The following LRRC7 variants were observed in gnomAD, a reference collection of about 807,000 sequenced individuals.
LRRC7 encodes the protein leucine-rich repeat-containing protein 7.
LRRC7 carries 23 observed loss-of-function variants against 175.7 expected under a neutral mutation model. The observed-to-expected ratio is 0.13, with a 90% CI of 0.09 to 0.19. LRRC7 has a LOEUF of 0.19. Among genes scored for constraint, LRRC7 ranks in the 10% least tolerant of loss-of-function variants. LRRC7 has a pLI of 1.00. For synonymous variants in LRRC7, 685 were observed against 680.9 expected, an observed-to-expected ratio of 1.01 and a Z score of -0.09; for missense variants, 1,354 against 1,904.7, an observed-to-expected ratio of 0.71 and a Z score of 5.38.
intron 2 of LRRC7, among the ~76,000 whole-genome samples, chr1:69,740,030 G>C (rs995605449): frequency 3.3e-5 from 5 of 152,048 alleles, no homozygotes; most frequent in Non-Finnish European, 4.4e-5. Context: ...ACCAAAGGGA[G>C]GAAATAGGCA....
At chr1:69,693,457 G>A (rs765160519) in intron 2 of LRRC7, among the ~76,000 whole-genome samples, 4 of 152,158 alleles carry the variant, frequency 2.6e-5, no homozygotes, top group African/African-American at 4.8e-5. Context: ...AGGATAGGCC[G>A]ATAGGCTGGA....
chr1:69,842,886 T>TAA (rs895487447), intron 7 of LRRC7, among the ~76,000 whole-genome samples: 3 of 152,096 alleles, frequency 2.0e-5, no homozygotes, highest in Non-Finnish European at 2.9e-5. Flanking sequence ...GCCTTTTATG[T>TAA]AAAATAAGCC....
rs1659064868 is a variant in LRRC7, at chr1:69,671,452, G to T, written c.3-6929G>T. On this transcript the variant is annotated intron_variant, in intron 1 of 26. Coordinates refer to ENST00000651989, the MANE Select transcript of LRRC7 (RefSeq NM_001370785.2). ...AGTCTCTTTTGGAACCATGAGCTGT[G>T]CAGCCTGGGGTTAGAGGAGAAGTGG... Among the ~76,000 whole-genome samples, 3 of 152,100 alleles carry T rather than the reference G, an allele frequency of 2.0e-5. No homozygotes were observed. The South Asian group carries it at 6.2e-4, about 31-fold the overall frequency.
At chr1:69,914,743 A>G (rs1646635998) in intron 7 of LRRC7, among the ~76,000 whole-genome samples, 2 of 152,158 alleles carry the variant, frequency 1.3e-5, no homozygotes, top group African/African-American at 4.8e-5. Context: ...GTCTTGTCCA[A>G]ATCTGGCAAG....
intron 23 of LRRC7, among the ~76,000 whole-genome samples, chr1:70,056,477 GTTTTA>G (rs1263046432): frequency 6.6e-6 from 1 of 152,024 alleles, no homozygotes; most frequent in Non-Finnish European, 1.5e-5. Flanking sequence ...AATACTTAGC[GTTTTA>G]TTTTCCCATT....
chr1:70,068,671 T>C (rs1395578333), intron 23 of LRRC7, among the ~76,000 whole-genome samples: 1 of 152,142 alleles, frequency 6.6e-6, no homozygotes, highest in African/African-American at 2.4e-5. Context: ...TAAAGAAGTA[T>C]TCTCTCTTCT....
chr1:69,726,714 G>C (rs934492138), intron 2 of LRRC7, among the ~76,000 whole-genome samples: 1 of 151,804 alleles, frequency 6.6e-6, no homozygotes, highest in Non-Finnish European at 1.5e-5. Flanking sequence ...AGCAAAACTT[G>C]CCTTTAAATT....
chr1:69,639,034 A>G (rs922078529), intron 1 of LRRC7, among the ~76,000 whole-genome samples: 2 of 151,784 alleles, frequency 1.3e-5, no homozygotes, highest in Admixed American at 6.6e-5. Context: ...TTTAACTCAA[A>G]CTGAAACCCA....
intron 1 of LRRC7, among the ~76,000 whole-genome samples, chr1:69,613,350 T>G (rs1265522612): frequency 6.6e-6 from 1 of 152,072 alleles, no homozygotes; most frequent in Non-Finnish European, 1.5e-5. Context: ...CTCTATCCTA[T>G]GACCTAATTA....
At chr1:70,074,511 T>C (rs1662631405) in intron 23 of LRRC7, among the ~76,000 whole-genome samples, 3 of 152,348 alleles carry the variant, frequency 2.0e-5, no homozygotes, top group African/African-American at 7.2e-5. Flanking sequence ...TTTATGAGGT[T>C]ATAGATCTGT....
intron 7 of LRRC7, among the ~76,000 whole-genome samples, chr1:69,855,318 A>G (rs1052873756): frequency 2.0e-5 from 3 of 152,054 alleles, no homozygotes; most frequent in Non-Finnish European, 2.9e-5. Flanking sequence ...AGATTGTGGT[A>G]TGTTGTGTCT....
At chr1:69,636,964 C>T (rs892375824) in intron 1 of LRRC7, among the ~76,000 whole-genome samples, 1 of 151,796 alleles carries the variant, frequency 6.6e-6, no homozygotes, top group Non-Finnish European at 1.5e-5. Flanking sequence ...TGAAATTAGA[C>T]TCTAATTTTC....
chr1:69,924,809 T>G (rs1647009915), intron 7 of LRRC7, among the ~76,000 whole-genome samples: 1 of 152,196 alleles, frequency 6.6e-6, no homozygotes, highest in African/African-American at 2.4e-5. Flanking sequence ...CATGCCTGAT[T>G]GCCCTGGCCA....
chr1:69,709,433 G>A (rs2100727351), intron 2 of LRRC7, among the ~76,000 whole-genome samples: 1 of 152,284 alleles, frequency 6.6e-6, no homozygotes, highest in Non-Finnish European at 1.5e-5. Flanking sequence ...GGGGCAGAAA[G>A]AATCAATCTT....
intron 7 of LRRC7, among the ~76,000 whole-genome samples, chr1:69,931,217 C>A (rs1647337519): frequency 1.3e-5 from 2 of 152,054 alleles, no homozygotes; most frequent in Admixed American, 1.3e-4. Context: ...TGAAGTGGGG[C>A]CCCACCCTAC....
intron 1 of LRRC7, among the ~76,000 whole-genome samples, chr1:69,623,745 A>C (rs140154814): frequency 6.6e-6 from 1 of 151,862 alleles, no homozygotes; most frequent in Non-Finnish European, 1.5e-5. Flanking sequence ...AGATAGGGCC[A>C]CTCCAAGTTG....
At chr1:70,014,897 T>C (rs1656833176) in intron 13 of LRRC7, among the ~76,000 whole-genome samples, 1 of 152,040 alleles carries the variant, frequency 6.6e-6, no homozygotes, top group African/African-American at 2.4e-5. Flanking sequence ...TAGCAGTTTC[T>C]TCATATTCTA....
intron 25 of LRRC7, among the ~76,000 whole-genome samples, chr1:70,090,297 A>T (rs1409987195): frequency 6.6e-6 from 1 of 152,148 alleles, no homozygotes; most frequent in Admixed American, 6.6e-5. Context: ...TTGCTAATAG[A>T]ACTGTAGAAT....
chr1:69,569,091 A>T (rs1030451839), intron 1 of LRRC7, among the ~76,000 whole-genome samples: 1 of 152,068 alleles, frequency 6.6e-6, no homozygotes, highest in Admixed American at 6.6e-5. Context: ...ACACTCACAC[A>T]CACTTGTGGC....
Sources: allele counts gnomAD v4.1 joint callset (sites outside exome capture counted in the v4.1 genomes callset), GRCh38; gene constraint gnomAD v4.1.1; transcripts MANE v1.5; gene names NCBI Gene and HGNC (gene_info 2026-07-23, HGNC 2026-07-21).